Variants in DAB1 observed in about 807,000 individuals in gnomAD.
DAB1 encodes disabled homolog 1.
DAB1 carries 15 observed loss-of-function variants against 64.6 expected under a neutral mutation model. That is an observed-to-expected ratio of 0.23 (90% confidence interval 0.16 to 0.36). The LOEUF (loss-of-function observed/expected upper bound fraction) is 0.36, where lower values mean the gene tolerates loss of function less well. Ranked by LOEUF, DAB1 falls within the 10% of genes least tolerant of loss-of-function variation. The pLI, the probability that DAB1 is intolerant of heterozygous loss-of-function variation, is 1.00. For missense variants in DAB1, 596 were observed against 706.7 expected (o/e 0.84, Z 1.78); for synonymous variants, 235 against 251.9 (o/e 0.93, Z 0.64).
At chr1:57,261,381 C>T (rs1670171409) in intron 2 of DAB1, among the ~76,000 whole-genome samples, 1 of 152,112 alleles carries the variant, frequency 6.6e-6, no homozygotes, top group African/African-American at 2.4e-5. Flanking sequence ...CAATTTCTCC[C>T]TCGCCCCAAT....
rs575592652 is a variant in DAB1, at chr1:57,443,673, C to T, written n.626-152507G>A. Among the ~76,000 whole-genome samples, 51 of 152,264 alleles carry T rather than the reference C, an allele frequency of 3.3e-4. No homozygotes were observed. In the South Asian group the frequency reaches 9.9e-3, roughly 30 times the overall value. On this transcript the variant is annotated intron_variant and non_coding_transcript_variant, in intron 7 of 20. Transcript: ENST00000485760. Reference sequence around the variant, plus strand: ...ATGCCTGGCCTCCAACAGACTAGAACGCATCCTTGAAGCTTCCCTCTGCTT... The same window carrying T: ...ATGCCTGGCCTCCAACAGACTAGAATGCATCCTTGAAGCTTCCCTCTGCTT...
intron 5 of DAB1, among the ~76,000 whole-genome samples, chr1:57,959,375 A>C (rs536991144): frequency 2.1e-4 from 32 of 152,350 alleles, no homozygotes; most frequent in Middle Eastern, 3.4e-3. Flanking sequence ...AAAAGAGATA[A>C]GGGAAGTAGA....
intron 5 of DAB1, among the ~76,000 whole-genome samples, chr1:57,999,044 G>A (rs1646469036): frequency 6.6e-6 from 1 of 152,140 alleles, no homozygotes; most frequent in Admixed American, 6.5e-5. Flanking sequence ...AAAAATGGGA[G>A]CATTTGTGAG....
chr1:57,626,271 T>A (rs1645922210), intron 7 of DAB1, among the ~76,000 whole-genome samples: 1 of 152,194 alleles, frequency 6.6e-6, no homozygotes, highest in African/African-American at 2.4e-5. Flanking sequence ...CAGTGCTCTC[T>A]GGGCTGCAGG....
rs766055767 is a variant in DAB1, at chr1:58,127,383, C to T, written n.387+23128G>A. Among the ~76,000 whole-genome samples, 22 of 151,754 alleles carry T rather than the reference C, an allele frequency of 1.4e-4. No homozygotes were observed. In the South Asian group the frequency reaches 2.1e-3, roughly 14 times the overall value. On this transcript the variant is annotated intron_variant and non_coding_transcript_variant, in intron 5 of 20. Transcript: ENST00000485760. ...AGCCCTTTGTCAGATGAGTAGGTTG[C>T]GAAAATTTTCTCCCATTTTGTAGGT...
intron 7 of DAB1, among the ~76,000 whole-genome samples, chr1:57,544,272 C>G (rs1273293429): frequency 1.3e-5 from 2 of 152,168 alleles, no homozygotes. Context: ...ATTTTAATTC[C>G]TATGGCATCC....
chr1:57,848,495 G>A (rs1033612571), intron 1 of DAB1, among the ~76,000 whole-genome samples: 13 of 152,190 alleles, frequency 8.5e-5, no homozygotes, highest in Non-Finnish European at 1.8e-4. Context: ...TAACTCAAAG[G>A]AGAAAACCAC....
At chr1:58,492,613 T>C (rs1175192071) in intron 3 of DAB1, among the ~76,000 whole-genome samples, 1 of 152,120 alleles carries the variant, frequency 6.6e-6, no homozygotes, top group African/African-American at 2.4e-5. Context: ...AAATACAAAC[T>C]ACCATCAGAG....
chr1:58,118,192 T>C (rs1387229868), intron 5 of DAB1, among the ~76,000 whole-genome samples: 1 of 151,030 alleles, frequency 6.6e-6, no homozygotes. Context: ...ATTACAGGAG[T>C]GGGCCACCGC....
At chr1:58,358,953 A>AACATACACACACACACAC (rs1644137755) in intron 3 of DAB1, among the ~76,000 whole-genome samples, 1 of 123,850 alleles carries the variant, frequency 8.1e-6, no homozygotes, top group South Asian at 3.0e-4. Context: ...CTCTCTCTGT[A>AACATACACACACACACAC]ACACACACAC....
chr1:57,639,853 A>G (rs1160030191), intron 7 of DAB1, among the ~76,000 whole-genome samples: 1 of 152,198 alleles, frequency 6.6e-6, no homozygotes, highest in African/African-American at 2.4e-5. Flanking sequence ...AACACAAACC[A>G]TACAGAGTCC....
chr1:57,034,823 C>T (rs544327434), intron 9 of DAB1, among the ~76,000 whole-genome samples: 1 of 152,284 alleles, frequency 6.6e-6, no homozygotes, highest in East Asian at 1.9e-4. Flanking sequence ...AAACTATCAC[C>T]CATAGCCTCG....
At chr1:58,323,798 G>A (rs752959255) in intron 4 of DAB1, among the ~76,000 whole-genome samples, 8 of 151,740 alleles carry the variant, frequency 5.3e-5, no homozygotes, top group Admixed American at 1.3e-4. Context: ...GGCGGTGGGC[G>A]CCTGTAGTCC....
At chr1:57,407,873 G>C (rs1195591812) in intron 1 of DAB1, among the ~76,000 whole-genome samples, 1 of 151,796 alleles carries the variant, frequency 6.6e-6, no homozygotes, top group Non-Finnish European at 1.5e-5. Context: ...GATTTACCTA[G>C]ATATTCACCC....
intron 5 of DAB1, among the ~76,000 whole-genome samples, chr1:58,150,165 C>G (rs1654840297): frequency 6.6e-6 from 1 of 152,224 alleles, no homozygotes; most frequent in East Asian, 1.9e-4. Flanking sequence ...AATAAACTTA[C>G]TCATACTTAA....
At chr1:58,413,631 G>C (rs1644690362) in intron 3 of DAB1, among the ~76,000 whole-genome samples, 1 of 152,182 alleles carries the variant, frequency 6.6e-6, no homozygotes, top group Non-Finnish European at 1.5e-5. Context: ...CTGGGGGTCT[G>C]CGTTGAGTGA....
intron 5 of DAB1, among the ~76,000 whole-genome samples, chr1:58,006,445 A>G (rs1646584632): frequency 6.6e-6 from 1 of 152,310 alleles, no homozygotes; most frequent in Non-Finnish European, 1.5e-5. Context: ...ATAATATACT[A>G]CTGGTAAGTA....
Position 58,093,692 on chromosome 1 carries a change from A to G in DAB1, n.387+56819T>C, listed in dbSNP as rs537358015. Among the ~76,000 whole-genome samples, 32 of 151,962 alleles carry G rather than the reference A, an allele frequency of 2.1e-4. No homozygotes were observed. In the Middle Eastern group the frequency reaches 0.01, roughly 49 times the overall value. ...TTTAAAGGGTGCAACCAAGGGTTCAAAAGGGAAAAAAAAAAAAAAGAAAAC... is the reference window on the plus strand; with the variant it reads ...TTTAAAGGGTGCAACCAAGGGTTCAGAAGGGAAAAAAAAAAAAAAGAAAAC... On this transcript the variant is annotated intron_variant and non_coding_transcript_variant, in intron 5 of 20. Coordinates refer to the DAB1 transcript ENST00000485760.
At chr1:57,187,863 A>T (rs1367320808) in intron 2 of DAB1, among the ~76,000 whole-genome samples, 1 of 151,936 alleles carries the variant, frequency 6.6e-6, no homozygotes, top group Non-Finnish European at 1.5e-5. Flanking sequence ...CTCCCACAAA[A>T]AGAGAGATCC....
Sources: gnomAD v4.1 joint callset for allele counts (sites outside exome capture counted in the v4.1 genomes callset) on GRCh38, gnomAD v4.1.1 for gene constraint, MANE v1.5 for transcripts, NCBI Gene and HGNC (gene_info 2026-07-23, HGNC 2026-07-21) for gene names.